Variants in PRKCB observed in about 807,000 individuals in gnomAD.
The protein encoded by PRKCB is protein kinase C beta type.
A neutral mutation model predicts 81.5 loss-of-function variants in PRKCB; 13 were observed. The ratio of observed to expected loss-of-function variants is 0.16; its 90% CI spans 0.10 to 0.25. PRKCB has a LOEUF of 0.25. Among genes scored for constraint, PRKCB ranks in the 10% least tolerant of loss-of-function variants. The pLI is 1.00. For synonymous variants in PRKCB, 335 were observed against 321.4 expected (o/e 1.04, Z -0.45); for missense variants, 509 against 875.7 (o/e 0.58, Z 5.29).
intron 10 of PRKCB, among the ~76,000 whole-genome samples, chr16:24,160,032 C>T (rs777269878): frequency 1.2e-4 from 18 of 151,980 alleles, no homozygotes; most frequent in East Asian, 9.7e-4. Context: ...TTCACTCTTA[C>T]GATCACATCT....
intron 2 of PRKCB, among the ~76,000 whole-genome samples, chr16:23,869,812 A>C (rs544601078): frequency 8.5e-4 from 129 of 152,314 alleles, no homozygotes; most frequent in Admixed American, 3.5e-3. Flanking sequence ...ACCTGGGGTC[A>C]GGAGTTTGAG....
intron 4 of PRKCB, among the ~76,000 whole-genome samples, chr16:24,035,137 G>A (rs1292176855): frequency 6.6e-6 from 1 of 152,200 alleles, no homozygotes; most frequent in Non-Finnish European, 1.5e-5. Flanking sequence ...TGGCTTCAGA[G>A]CCTTAAGGGG....
chr16:24,132,005 T>C (rs1026855759), intron 9 of PRKCB, among the ~76,000 whole-genome samples: 1 of 152,220 alleles, frequency 6.6e-6, no homozygotes, highest in East Asian at 1.9e-4. Context: ...AAATAAGGAA[T>C]ATGCGCAACA....
rs567405643 is a variant in PRKCB, at chr16:23,959,099, G to A, written c.206-29409G>A. 1.1e-4 allele frequency among the ~76,000 whole-genome samples: 17 copies of A among 152,212 alleles called. No individual in the cohort carries two copies. The South Asian group carries it at 1.9e-3, about 17-fold the overall frequency. ...TTAATATTTGTAAAGTAGAGCAGCC[G>A]GCTCATTGTAAGTATTGGGAGTATT... On this transcript the variant is annotated intron_variant, in intron 2 of 16. Transcript: ENST00000643927.
At chr16:23,875,480 G>GAT (rs71381624) in intron 2 of PRKCB, among the ~76,000 whole-genome samples, 155 of 4,638 alleles carry the variant, frequency 0.033, 13 homozygotes, top group Non-Finnish European at 0.047. Context: ...CAACTAAAAA[G>GAT]ATATATATAT....
At chr16:24,167,748 T>C (rs928018026) in intron 10 of PRKCB, among the ~76,000 whole-genome samples, 5 of 152,158 alleles carry the variant, frequency 3.3e-5, no homozygotes, top group Admixed American at 3.3e-4. Context: ...ATGTACCCAC[T>C]GGAGGCAGCA....
chr16:24,202,266 T>C (rs12445719), intron 16 of PRKCB, among the ~76,000 whole-genome samples: 15,431 of 152,188 alleles, frequency 0.1, 1,029 homozygotes, highest in South Asian at 0.19. Flanking sequence ...CTACCTTACT[T>C]TGCATACAAA....
intron 3 of PRKCB, among the ~76,000 whole-genome samples, chr16:23,991,883 C>G (rs1964890575): frequency 6.6e-6 from 1 of 152,170 alleles, no homozygotes; most frequent in African/African-American, 2.4e-5. Flanking sequence ...GCTGATTGGC[C>G]AGGCCTGGGT....
chr16:24,114,091 C>T (rs751379026), intron 8 of PRKCB, among the ~76,000 whole-genome samples: 22 of 150,816 alleles, frequency 1.5e-4, no homozygotes, highest in African/African-American at 4.1e-4. Flanking sequence ...TGGTGGTGCA[C>T]GCCTGTAATA....
intron 2 of PRKCB, among the ~76,000 whole-genome samples, chr16:23,842,868 T>C (rs536792562): frequency 6.6e-6 from 1 of 152,106 alleles, no homozygotes; most frequent in Non-Finnish European, 1.5e-5. Context: ...CTTTTTTATA[T>C]CACAAAAAAG....
chr16:23,917,406 G>A (rs778726606), intron 2 of PRKCB, among the ~76,000 whole-genome samples: 1 of 152,190 alleles, frequency 6.6e-6, no homozygotes, highest in Non-Finnish European at 1.5e-5. Flanking sequence ...TTGCATCGTG[G>A]TCCATAGTAT....
At chr16:24,204,057 C>G (rs1004753807) in intron 16 of PRKCB, among the ~76,000 whole-genome samples, 10 of 152,094 alleles carry the variant, frequency 6.6e-5, no homozygotes, top group African/African-American at 2.2e-4. Context: ...CGTACAGGAC[C>G]TCTTTCAAGC....
intron 5 of PRKCB, among the ~76,000 whole-genome samples, chr16:24,053,483 T>G (rs994611949): frequency 6.6e-6 from 1 of 152,218 alleles, no homozygotes; most frequent in Non-Finnish European, 1.5e-5. Context: ...CCTTGGGCTG[T>G]AGTTTGTAGA....
intron 2 of PRKCB, among the ~76,000 whole-genome samples, chr16:23,861,878 A>G (rs910993410): frequency 1.3e-5 from 2 of 152,156 alleles, no homozygotes; most frequent in Non-Finnish European, 2.9e-5. Flanking sequence ...ATATAGCTCT[A>G]TCTCTTGAAA....
At chr16:24,087,884 C>A (rs1966328400) in intron 5 of PRKCB, among the ~76,000 whole-genome samples, 1 of 152,194 alleles carries the variant, frequency 6.6e-6, no homozygotes, top group Non-Finnish European at 1.5e-5. Context: ...CCTCACCCTG[C>A]ACCCAGAGCC....
At chr16:23,919,390 A>AAG (rs1220979945) in intron 2 of PRKCB, among the ~76,000 whole-genome samples, 1 of 151,628 alleles carries the variant, frequency 6.6e-6, no homozygotes. Flanking sequence ...GAATTTGCAA[A>AAG]AAAAAAAAAA....
chr16:23,933,844 T>TCATCCATCCATC (rs58975374), intron 2 of PRKCB, among the ~76,000 whole-genome samples: 1 of 118,296 alleles, frequency 8.5e-6, no homozygotes, highest in Non-Finnish European at 1.7e-5. Flanking sequence ...GATTTTCTAT[T>TCATCCATCCATC]CATCCATCCA....
At chr16:24,130,593 T>A (rs935927600) in intron 9 of PRKCB, among the ~76,000 whole-genome samples, 2 of 152,144 alleles carry the variant, frequency 1.3e-5, no homozygotes, top group Non-Finnish European at 2.9e-5. Context: ...AATAGAAGTT[T>A]AAAATTTTCA....
chr16:23,844,601 A>G (rs1962332423), intron 2 of PRKCB, among the ~76,000 whole-genome samples: 1 of 151,846 alleles, frequency 6.6e-6, no homozygotes, highest in Admixed American at 6.6e-5. Flanking sequence ...TCCACCTCCC[A>G]GGTTCACGCC....
Sources: gnomAD v4.1 joint callset for allele counts (sites outside exome capture counted in the v4.1 genomes callset) on GRCh38, gnomAD v4.1.1 for gene constraint, MANE v1.5 for transcripts, NCBI Gene and HGNC (gene_info 2026-07-23, HGNC 2026-07-21) for gene names.